Variants in PDE1A observed in about 807,000 individuals in gnomAD.
The protein encoded by PDE1A is dual specificity calcium/calmodulin-dependent 3',5'-cyclic nucleotide phosphodiesterase 1A.
In PDE1A, 35 loss-of-function variants were observed where a neutral mutation model predicts 61.7. The ratio of observed to expected loss-of-function variants is 0.57; its 90% CI spans 0.43 to 0.75. The LOEUF is 0.75. PDE1A is among the 30% of genes least tolerant of loss of function. The pLI is 0.00. For missense variants in PDE1A, 597 were observed against 630.6 expected (o/e 0.95, Z 0.57); for synonymous variants, 232 against 213.2 (o/e 1.09, Z -0.77).
chr2:182,652,506 G>A, the PDE1A span, among the ~76,000 whole-genome samples: 392 of 152,172 alleles, frequency 2.6e-3, 1 homozygote, highest in African/African-American at 8.9e-3. Flanking sequence ...GCAAGATGTC[G>A]TCACTGCAAA....
chr2:182,710,944 TG>T, the PDE1A span, among the ~76,000 whole-genome samples: 177 of 152,346 alleles, frequency 1.2e-3, no homozygotes, highest in Non-Finnish European at 2.1e-3. Context: ...CTCTATCTTT[TG>T]TTGCTCTCCT....
chr2:182,440,113 T>C (rs1490218746), intron 2 of PDE1A, among the ~76,000 whole-genome samples: 1 of 152,100 alleles, frequency 6.6e-6, no homozygotes. Flanking sequence ...TTATCTCATA[T>C]ATCCTCCTCT....
At chr2:182,462,264 C>A (rs970197050) in intron 2 of PDE1A, among the ~76,000 whole-genome samples, 3 of 151,766 alleles carry the variant, frequency 2.0e-5, no homozygotes, top group Non-Finnish European at 4.4e-5. Context: ...TGTAACAAAC[C>A]TGCACGTTGT....
the PDE1A span, among the ~76,000 whole-genome samples, chr2:182,535,902 A>G: frequency 6.6e-6 from 1 of 152,198 alleles, no homozygotes; most frequent in Non-Finnish European, 1.5e-5. Context: ...TGCCACTTTC[A>G]TTGAAGATCC....
chr2:182,399,686 T>A (rs886266462), intron 1 of PDE1A, among the ~76,000 whole-genome samples: 3 of 152,104 alleles, frequency 2.0e-5, no homozygotes, highest in Non-Finnish European at 1.5e-5. Flanking sequence ...CATTCTAGTA[T>A]AGAGTTTACA....
chr2:182,698,200 C>A, the PDE1A span, among the ~76,000 whole-genome samples: 1 of 152,128 alleles, frequency 6.6e-6, no homozygotes, highest in Admixed American at 6.5e-5. Context: ...GCTCCTCAGT[C>A]CAGGCTTCAA....
At chr2:182,161,962 T>C (rs1482292769) in intron 13 of PDE1A, among the ~76,000 whole-genome samples, 1 of 152,164 alleles carries the variant, frequency 6.6e-6, no homozygotes, top group African/African-American at 2.4e-5. Flanking sequence ...GAGCTGGGGA[T>C]GCCTGATCTA....
chr2:182,180,889 C>T (rs1446105566), intron 13 of PDE1A, among the ~76,000 whole-genome samples: 3 of 151,704 alleles, frequency 2.0e-5, no homozygotes, highest in Non-Finnish European at 4.4e-5. Flanking sequence ...GCTATTGATA[C>T]TTGTGTATGC....
rs186696044 is a variant in PDE1A, at chr2:182,368,482, A to G, written c.53+58096T>C. Among the ~76,000 whole-genome samples, 495 of 151,632 alleles carry G rather than the reference A, an allele frequency of 3.3e-3. 1 individual carries two copies. The highest frequency in any genetic ancestry group is 0.011 in the African/African-American group (469 of 41,400). On this transcript the variant is annotated intron_variant, in intron 1 of 13. Coordinates refer to ENST00000351439, the Ensembl canonical transcript of PDE1A. Reference sequence around the variant, plus strand: ...ATCTCACTTGTCCTATAGAATGTCTACATTTCAGGTTTCACTGATTTTCTC... The same window carrying G: ...ATCTCACTTGTCCTATAGAATGTCTGCATTTCAGGTTTCACTGATTTTCTC...
intron 1 of PDE1A, among the ~76,000 whole-genome samples, chr2:182,268,271 C>A (rs1692775401): frequency 6.6e-6 from 1 of 151,820 alleles, no homozygotes; most frequent in Non-Finnish European, 1.5e-5. Context: ...GCAGTATAGA[C>A]AACTTTGCTA....
the PDE1A span, among the ~76,000 whole-genome samples, chr2:182,645,288 T>G: frequency 7.3e-6 from 1 of 137,052 alleles, no homozygotes; most frequent in Non-Finnish European, 1.6e-5. Context: ...CTCTTCTGTA[T>G]TTTTGTGGCT....
intron 1 of PDE1A, among the ~76,000 whole-genome samples, chr2:182,286,345 TTTTTA>T (rs1694163552): frequency 6.6e-6 from 1 of 152,188 alleles, no homozygotes; most frequent in Non-Finnish European, 1.5e-5. Flanking sequence ...ATCAAGTTTT[TTTTTA>T]TTTTATCTCC....
At chr2:182,149,761 A>G (rs547526444) in intron 13 of PDE1A, among the ~76,000 whole-genome samples, 1 of 152,294 alleles carries the variant, frequency 6.6e-6, no homozygotes, top group African/African-American at 2.4e-5. Context: ...ATCATCTTAG[A>G]TGACCTTTAT....
At chr2:182,306,657 A>T (rs1243885902) in intron 1 of PDE1A, among the ~76,000 whole-genome samples, 1 of 152,152 alleles carries the variant, frequency 6.6e-6, no homozygotes, top group Non-Finnish European at 1.5e-5. Context: ...CAAGAAATGA[A>T]CTCAAACATT....
chr2:182,169,523 C>A (rs1691936444), intron 13 of PDE1A, among the ~76,000 whole-genome samples: 1 of 151,958 alleles, frequency 6.6e-6, no homozygotes, highest in South Asian at 2.1e-4. Flanking sequence ...TCAATAAGGA[C>A]CATCTGCTAG....
intron 2 of PDE1A, among the ~76,000 whole-genome samples, chr2:182,477,765 T>G (rs1335169661): frequency 1.3e-5 from 2 of 151,954 alleles, no homozygotes; most frequent in African/African-American, 2.4e-5. Context: ...GATTGCATAG[T>G]TACGGTAAAC....
At chr2:182,449,857 A>G (rs186858024) in intron 2 of PDE1A, among the ~76,000 whole-genome samples, 5 of 152,196 alleles carry the variant, frequency 3.3e-5, no homozygotes, top group African/African-American at 9.6e-5. Context: ...GGGCTGCCCT[A>G]ATAACTGAAG....
the PDE1A span, among the ~76,000 whole-genome samples, chr2:182,546,747 C>A: frequency 2.0e-5 from 3 of 152,152 alleles, no homozygotes; most frequent in Non-Finnish European, 4.4e-5. Context: ...AGGAACAAGT[C>A]TGGAGAACAA....
the PDE1A span, among the ~76,000 whole-genome samples, chr2:182,588,795 G>A: frequency 9.9e-5 from 15 of 152,012 alleles, no homozygotes; most frequent in Non-Finnish European, 1.5e-5. Flanking sequence ...TGTAATCCCA[G>A]CACTTTGGGA....
Sources: allele counts gnomAD v4.1 joint callset (sites outside exome capture counted in the v4.1 genomes callset), GRCh38; gene constraint gnomAD v4.1.1; transcripts MANE v1.5; gene names NCBI Gene and HGNC (gene_info 2026-07-23, HGNC 2026-07-21).